Variants in MAPK6 observed in about 807,000 individuals in gnomAD.
The protein encoded by MAPK6 is mitogen-activated protein kinase 6.
Under a neutral mutation model 59.3 loss-of-function variants are expected in MAPK6, and 19 were observed. The ratio of observed to expected loss-of-function variants is 0.32; its 90% CI spans 0.22 to 0.47. The LOEUF (loss-of-function observed/expected upper bound fraction) is 0.47, where lower values mean the gene tolerates loss of function less well. Among genes scored for constraint, MAPK6 ranks in the 20% least tolerant of loss-of-function variants. MAPK6 has a pLI of 1.00. For missense variants in MAPK6, 724 were observed against 847.9 expected (o/e 0.85, Z 1.81); for synonymous variants, 316 against 290.3 (o/e 1.09, Z -0.90).
intron 3 of MAPK6, among the ~76,000 whole-genome samples, chr15:52,054,227 G>A (rs2031881708): frequency 6.6e-6 from 1 of 151,794 alleles, no homozygotes; most frequent in African/African-American, 2.4e-5. Flanking sequence ...AATTAGCTGG[G>A]CATGGTGGCG....
chr15:52,028,242 G>A (rs559760585), intron 1 of MAPK6, among the ~76,000 whole-genome samples: 2 of 151,962 alleles, frequency 1.3e-5, no homozygotes, highest in African/African-American at 2.4e-5. Flanking sequence ...GTGAACCACC[G>A]CGCCCGGCAA....
At chr15:52,059,292 CTTTATT>C (rs1033021453) in intron 4 of MAPK6, among the ~76,000 whole-genome samples, 7 of 152,274 alleles carry the variant, frequency 4.6e-5, no homozygotes, top group African/African-American at 9.6e-5. Flanking sequence ...TGTGGGAACA[CTTTATT>C]TTTATTTTTT....
At position 52,064,881 on chromosome 15, in the gene MAPK6, C is replaced by G; in HGVS notation, c.2047C>G (p.His683Asp). Reference sequence around the variant, plus strand: ...CGAGTCCATAGGCATCCCACAGTTTCACAGTCCAGTTGGGTCACCACTTAA... The same window carrying G: ...CGAGTCCATAGGCATCCCACAGTTTGACAGTCCAGTTGGGTCACCACTTAA... ...QLESIGIPQFHSPVGSPLKSI... is the reference protein window; with the variant it reads ...QLESIGIPQFDSPVGSPLKSI... The change falls in exon 6 of 6, where the codon CAC becomes GAC. Residue 683 changes from histidine (H) to aspartate (D), a missense_variant. Around this residue, in one of 4 missense-constraint regions of MAPK6, gnomAD observed 502 missense variants for 507.6 expected, o/e 0.99. Coordinates refer to ENST00000261845, the MANE Select transcript of MAPK6 (RefSeq NM_002748.4). 6.2e-7 allele frequency: 1 copy of G among 1,611,964 alleles called. No individual in the cohort carries two copies. The highest frequency in any genetic ancestry group is 2.2e-5 in the East Asian group (1 of 44,882).
intron 3 of MAPK6, among the ~76,000 whole-genome samples, chr15:52,054,332 C>T (rs2031887576): frequency 6.8e-6 from 1 of 147,564 alleles, no homozygotes. Context: ...CTTGCCACTG[C>T]ACTCCAGCCT....
rs1566909263 is a variant in MAPK6 at position 52,046,193 on chromosome 15, G to A, written c.-268G>A. On this transcript the variant is annotated 5_prime_UTR_variant, in exon 2 of 6. An upstream start codon of the reference 5' UTR is lost. Transcript: ENST00000261845. ...TTTGAGTTTCTTGTTTTCGTTAAAT[G>A]TCTGCAGAGTTGCTGCCCCTTTCTT... 3.2e-6 allele frequency: 1 copy of A among 313,682 alleles called. No homozygotes were observed. The highest frequency in any genetic ancestry group is 5.9e-6 in the Non-Finnish European group (1 of 170,430). 19.4% of individuals were successfully genotyped at this position (313,682 alleles called of 1,614,324 possible).
chr15:52,003,974 T>A (rs918860291), intron 2 of MAPK6, among the ~76,000 whole-genome samples: 2 of 152,236 alleles, frequency 1.3e-5, no homozygotes, highest in South Asian at 4.1e-4. Context: ...TAATTTCACC[T>A]CACCTCTTCT....
At chr15:52,012,522 A>G (rs558740984) in intron 3 of MAPK6, among the ~76,000 whole-genome samples, 3 of 152,262 alleles carry the variant, frequency 2.0e-5, no homozygotes, top group East Asian at 3.9e-4. Context: ...GTCCTTTTCA[A>G]ATGATTTTTC....
intron 2 of MAPK6, among the ~76,000 whole-genome samples, chr15:51,998,687 A>ATTGTTTTTTTTTTTTTTTTTTTTTTTTT (rs2057233143): frequency 2.6e-5 from 1 of 38,472 alleles, no homozygotes; most frequent in Non-Finnish European, 4.6e-5. Context: ...TGCCTGGTTA[A>ATTGTTTTTTTTTTTTTTTTTTTTTTTTT]TTTTTTTTTT....
intron 2 of MAPK6, among the ~76,000 whole-genome samples, chr15:51,987,859 G>A (rs1431768978): frequency 6.9e-6 from 1 of 145,972 alleles, no homozygotes; most frequent in Admixed American, 7.1e-5. Flanking sequence ...TCCTCCTCCC[G>A]GGTTCAAGTG....
intron 3 of MAPK6, among the ~76,000 whole-genome samples, chr15:52,013,131 A>G (rs1216330070): frequency 2.1e-5 from 3 of 142,518 alleles, no homozygotes; most frequent in Admixed American, 7.3e-5. Context: ...CCTGTCATGC[A>G]CTCTTTGAAT....
chr15:52,034,368 C>T (rs779105940), intron 1 of MAPK6, among the ~76,000 whole-genome samples: 11 of 146,284 alleles, frequency 7.5e-5, no homozygotes, highest in Non-Finnish European at 1.4e-4. Flanking sequence ...TACTGGAGCA[C>T]GATGGCTGAT....
intron 1 of MAPK6, among the ~76,000 whole-genome samples, chr15:51,975,486 A>G (rs2057154708): frequency 6.6e-6 from 1 of 151,620 alleles, no homozygotes; most frequent in Non-Finnish European, 1.5e-5. Context: ...GGTTGCAGTG[A>G]GCCAAGATCG....
chr15:51,993,881 C>T (rs1225513309), intron 2 of MAPK6, among the ~76,000 whole-genome samples: 1 of 151,506 alleles, frequency 6.6e-6, no homozygotes, highest in East Asian at 1.9e-4. Flanking sequence ...AATCCTCTGC[C>T]TCTCTTTCCC....
chr15:52,005,504 GCAA>G (rs1214421757), intron 3 of MAPK6, among the ~76,000 whole-genome samples: 3 of 151,608 alleles, frequency 2.0e-5, no homozygotes. Context: ...TCCAGCCTGG[GCAA>G]CAAGAGTGAC....
chr15:52,019,720 C>G (rs2030435534), intron 1 of MAPK6, among the ~76,000 whole-genome samples: 1 of 150,876 alleles, frequency 6.6e-6, no homozygotes, highest in South Asian at 2.1e-4. Flanking sequence ...CGCGCCCGCT[C>G]CCTGGCCCCG....
At chr15:52,016,107 C>CACACACACAA (rs1267339787), upstream of MAPK6, among the ~76,000 whole-genome samples, 912 of 136,156 alleles carry the variant, frequency 6.7e-3, 13 homozygotes, top group African/African-American at 0.018. Flanking sequence ...CACACACACA[C>CACACACACAA]AAACTAAAAC....
chr15:52,062,552 G>A (rs1031181139), intron 5 of MAPK6, among the ~76,000 whole-genome samples: 2 of 151,994 alleles, frequency 1.3e-5, no homozygotes, highest in African/African-American at 4.8e-5. Context: ...ATTACCTGTG[G>A]TCAGGAGTTC....
At chr15:52,031,683 T>C (rs1261258099) in intron 1 of MAPK6, among the ~76,000 whole-genome samples, 1 of 152,028 alleles carries the variant, frequency 6.6e-6, no homozygotes, top group Admixed American at 6.6e-5. Flanking sequence ...TAATAAAAAA[T>C]TGAGCCGGGT....
In MAPK6 at chr15:52,005,538, A is replaced by AG. The variant is rs1174005850; in HGVS notation, c.-632+1136_-632+1137insG. On this transcript the variant is annotated intron_variant, in intron 3 of 7. Coordinates refer to the MAPK6 transcript ENST00000691380. ...GTGACATTCCATCTCAAAAAAAAAA[A>AG]AGAGAGAGAGAGATCTGGCTTAACT... is the stretch of plus-strand genomic sequence containing the variant. 7.6e-4 allele frequency among the ~76,000 whole-genome samples: 116 copies of AG among 151,956 alleles called. 1 individual carries two copies. Among genetic ancestry groups the AG allele is most frequent in the African/African-American group, 2.7e-3 (113 of 41,468 alleles).
Sources: allele counts gnomAD v4.1 joint callset (sites outside exome capture counted in the v4.1 genomes callset), GRCh38; gene constraint gnomAD v4.1.1; regional missense constraint gnomAD v4.1.1; transcripts MANE v1.5; gene names NCBI Gene and HGNC (gene_info 2026-07-23, HGNC 2026-07-21).